SEC31A: variants seen among roughly 807,000 people sequenced by gnomAD.
The protein encoded by SEC31A is protein transport protein Sec31A.
A neutral mutation model predicts 151.0 loss-of-function variants in SEC31A; 70 were observed. The ratio of observed to expected loss-of-function variants is 0.46; its 90% confidence interval spans 0.38 to 0.57. The LOEUF is 0.57. SEC31A is among the 20% of genes least tolerant of loss of function. The pLI is 0.00. For synonymous variants in SEC31A, 475 were observed against 505.9 expected, an observed-to-expected ratio of 0.94 and a Z score of 0.82; for missense variants, 1,330 against 1,471.2, an observed-to-expected ratio of 0.90 and a Z score of 1.57.
chr4:82,864,311 C>G, intron 11 of SEC31A, 51 bp downstream of exon 11: 1 of 1,215,590 alleles, frequency 8.2e-7, no homozygotes, highest in South Asian at 1.3e-5. Context: ...TATAAAGGAA[C>G]AGTTAAATTT....
At chr4:82,848,367 A>C (rs1269854619) in intron 20 of SEC31A, among the ~76,000 whole-genome samples, 1 of 152,038 alleles carries the variant, frequency 6.6e-6, no homozygotes, top group Non-Finnish European at 1.5e-5. Context: ...GCAAATACAG[A>C]ATACACTAAG....
intron 25 of SEC31A, among the ~76,000 whole-genome samples, chr4:82,822,289 A>C (rs940956558): frequency 4.6e-5 from 7 of 152,130 alleles, no homozygotes; most frequent in South Asian, 2.1e-4. Context: ...TATGAAGAAA[A>C]GTTAATAGAG....
chr4:82,883,619 A>G (rs554913442), intron 1 of SEC31A, among the ~76,000 whole-genome samples: 1 of 152,282 alleles, frequency 6.6e-6, no homozygotes, highest in African/African-American at 2.4e-5. Flanking sequence ...GCTTGAGCCC[A>G]GGAGTTCAAG....
intron 10 of SEC31A, among the ~76,000 whole-genome samples, chr4:82,866,083 GAAGAA>G (rs1047990408): frequency 1.4e-5 from 2 of 145,438 alleles, no homozygotes; most frequent in East Asian, 2.2e-4. Flanking sequence ...AAGAAAAAAA[GAAGAA>G]AAGAAAAGAA....
chr4:82,848,369 T>C (rs2149320745), intron 20 of SEC31A, among the ~76,000 whole-genome samples: 1 of 148,732 alleles, frequency 6.7e-6, no homozygotes, highest in East Asian at 2.0e-4. Flanking sequence ...AAATACAGAA[T>C]ACACTAAGCC....
chr4:82,891,279 ACAGCC>A (rs1377022082), upstream of SEC31A: 3 of 1,144,470 alleles, frequency 2.6e-6, no homozygotes, highest in Non-Finnish European at 3.7e-6. Context: ...CACCCGACGC[ACAGCC>A]CGCCACGGCA....
At position 82,878,841 on chromosome 4, in the gene SEC31A, AT is replaced by A. The variant is rs1289718763; in HGVS notation, c.290del (p.Asn97IlefsTer11). ...GVLIAGGENG[N>X]IILYDPSKII... is the part of the protein sequence containing the mutation. ...TTTTAGAAGGATCATAGAGAATAAT[AT>A]TTCCATTTTCACCACCTGCAATCAG... On this transcript the variant is annotated frameshift_variant, in exon 4 of 27. Coordinates refer to ENST00000395310, the MANE Select transcript of SEC31A (RefSeq NM_001077207.4). LOFTEE classifies it high-confidence loss of function. 1 of 1,613,934 alleles carries A rather than the reference AT, an allele frequency of 6.2e-7. No individual in the cohort carries two copies. Among genetic ancestry groups the A allele is most frequent in the Non-Finnish European group, 8.5e-7 (1 of 1,179,864 alleles).
At chr4:82,837,170 T>TATAC (rs1553925933) in intron 22 of SEC31A, among the ~76,000 whole-genome samples, 6 of 42,732 alleles carry the variant, frequency 1.4e-4, no homozygotes, top group Non-Finnish European at 4.6e-4. Context: ...TATATATATA[T>TATAC]ATATATATAT....
Position 82,867,211 on chromosome 4 carries a change from CACTGAT to C in SEC31A, c.982_987del (p.Ile328_Ser329del). 6.2e-7 allele frequency: 1 copy of C among 1,614,010 alleles called. No individual in the cohort carries two copies. Among genetic ancestry groups the C allele is most frequent in the South Asian group, 1.1e-5 (1 of 91,082 alleles). On this transcript the variant is annotated inframe_deletion, in exon 9 of 27. Coordinates refer to ENST00000395310, the MANE Select transcript of SEC31A (RefSeq NM_001077207.4). The stretch of plus-strand genomic sequence containing the variant: ...GTGCTACCTCCCATGATAGAATAAA[CACTGAT>C]ACGCCCATCAAACGAAGCAGCTGAT...
intron 20 of SEC31A, among the ~76,000 whole-genome samples, chr4:82,845,930 G>T (rs1321564361): frequency 6.6e-6 from 1 of 152,122 alleles, no homozygotes; most frequent in African/African-American, 2.4e-5. Flanking sequence ...CAAGTCACCT[G>T]ATTTCCAGGC....
upstream of SEC31A, chr4:82,894,971 T>A (rs1720000800): frequency 1.3e-5 from 2 of 152,226 alleles, no homozygotes. Flanking sequence ...TCATATTTTC[T>A]TAAATTTGAG....
chr4:82,856,744 C>T (rs1732771601), intron 16 of SEC31A, among the ~76,000 whole-genome samples: 1 of 151,936 alleles, frequency 6.6e-6, no homozygotes, highest in African/African-American at 2.4e-5. Context: ...GAGCAAGACC[C>T]CGTCTTTAAA....
intron 10 of SEC31A, 116 bp downstream of exon 10, chr4:82,866,692 G>A (rs7356522): frequency 0.99 from 882,503 of 894,040 alleles, 436,294 homozygotes; most frequent in East Asian, 1. Context: ...ATACCCACAA[G>A]TACATCTCAA....
At chr4:82,882,130 C>T (rs1004069074) in intron 1 of SEC31A, among the ~76,000 whole-genome samples, 190 bp from the exon 2 acceptor site, 4 of 152,022 alleles carry the variant, frequency 2.6e-5, no homozygotes, top group African/African-American at 9.7e-5. Flanking sequence ...AACTTGAGGC[C>T]GGGTGGCTCA....
intron 10 of SEC31A, among the ~76,000 whole-genome samples, chr4:82,865,306 T>G (rs1455082126): frequency 1.3e-5 from 2 of 152,022 alleles, no homozygotes; most frequent in African/African-American, 4.8e-5. Flanking sequence ...CTAGTGAGAA[T>G]GTAAAATGGT....
In SEC31A at chr4:82,857,775, G is replaced by A. The variant is rs192290719; in HGVS notation, c.1627-11C>T. On this transcript the variant is annotated splice_polypyrimidine_tract_variant and intron_variant, in intron 14 of 26. Coordinates refer to ENST00000395310, the MANE Select transcript of SEC31A (RefSeq NM_001077207.4). ...TTCCTCTTTAATGTGCTAAAGAGAT[G>A]AAAAAAGCAACAATTTAGCCAGAAT... is the stretch of plus-strand genomic sequence containing the variant. The A allele has an allele frequency of 1.4e-3, 2,073 of 1,533,518 alleles. 35 individuals carry two copies. The African/African-American group carries it at 0.026, about 19-fold the overall frequency. 95.0% of individuals were successfully genotyped at this position (1,533,518 alleles called of 1,614,324 possible).
At chr4:82,892,649 A>G (rs1719870499), upstream of SEC31A, among the ~76,000 whole-genome samples, 1 of 152,244 alleles carries the variant, frequency 6.6e-6, no homozygotes, top group Non-Finnish European at 1.5e-5. Flanking sequence ...TCTGTGCATG[A>G]ACTAAACAGA....
At chr4:82,841,467 T>TATACAC (rs1339344582) in intron 22 of SEC31A, among the ~76,000 whole-genome samples, 5 of 103,562 alleles carry the variant, frequency 4.8e-5, no homozygotes, top group African/African-American at 1.7e-4. Flanking sequence ...TATATATATA[T>TATACAC]ACACACACAC....
At position 82,888,386 on chromosome 4, in the gene SEC31A, A is replaced by ATATATATATATATACGCG. The variant is rs1553938450; in HGVS notation, c.-5+2701_-5+2702insCGCGTATATATATATATA. 7.2e-3 allele frequency among the ~76,000 whole-genome samples: 282 copies of ATATATATATATATACGCG among 39,360 alleles called. 10 individuals are homozygous for ATATATATATATATACGCG. Among genetic ancestry groups the ATATATATATATATACGCG allele is most frequent in the African/African-American group, 0.022 (261 of 11,870 alleles). The allele number at this position is 39,360 out of a possible 152,430, so 25.8% of individuals were successfully genotyped here. On this transcript the variant is annotated intron_variant, in intron 1 of 26. Coordinates refer to ENST00000395310, the MANE Select transcript of SEC31A (RefSeq NM_001077207.4). ...AAAAAAAAAAAAACACACAAAAAAC[A>ATATATATATATATACGCG]TATATATATATACACACAGACACGG... is the stretch of plus-strand genomic sequence containing the variant.
Sources: gnomAD v4.1 joint callset for allele counts (sites outside exome capture counted in the v4.1 genomes callset) on GRCh38, gnomAD v4.1.1 for gene constraint, MANE v1.5 for transcripts, NCBI Gene and HGNC (gene_info 2026-07-23, HGNC 2026-07-21) for gene names.